The following EXOSC10 variants were observed in gnomAD, a reference collection of about 807,000 sequenced individuals.
EXOSC10 encodes exosome component 10, also known as exosome complex component 10.
In EXOSC10, 94 loss-of-function variants were observed where a neutral mutation model predicts 126.6. The observed-to-expected ratio is 0.74, with a 90% CI of 0.63 to 0.88. The LOEUF (loss-of-function observed/expected upper bound fraction) is 0.88. Ranked by LOEUF, EXOSC10 falls within the 40% of genes least tolerant of loss-of-function variation. The pLI, the probability that EXOSC10 is intolerant of heterozygous loss-of-function variation, is 0.00. For synonymous variants in EXOSC10, 395 were observed against 400.8 expected, an observed-to-expected ratio of 0.99 and a Z score of 0.17; for missense variants, 1,041 against 1,100.5, an observed-to-expected ratio of 0.95 and a Z score of 0.77.
At chr1:11,089,232 A>G (rs1372359017) in intron 6 of EXOSC10, among the ~76,000 whole-genome samples, 2 of 151,424 alleles carry the variant, frequency 1.3e-5, no homozygotes, top group African/African-American at 4.9e-5. Context: ...TAAAAAAAAA[A>G]AAAAAAAAAA....
Position 11,091,612 on chromosome 1 carries a change from G to A in EXOSC10, c.373-15C>T, listed in dbSNP as rs1418255631. ...AGTAAAATACCCTAAGAGTAGAAGA[G>A]GTACTGGTTAAGCATTTTTCCTTTT... On this transcript the variant is annotated splice_polypyrimidine_tract_variant and intron_variant, in intron 3 of 24. Coordinates refer to ENST00000376936, the MANE Select transcript of EXOSC10 (RefSeq NM_001001998.3). The A allele has an allele frequency of 2.5e-6, 4 of 1,594,676 alleles. No homozygotes were observed. The highest frequency in any genetic ancestry group is 3.4e-6 in the Non-Finnish European group (4 of 1,163,720).
intron 17 of EXOSC10, among the ~76,000 whole-genome samples, chr1:11,075,266 G>A (rs867878253): frequency 3.9e-5 from 6 of 152,044 alleles, no homozygotes; most frequent in Admixed American, 1.3e-4. Context: ...TGATATGCCC[G>A]CCTTGCCCTC....
At chr1:11,068,934 G>A (rs1209321416) in intron 22 of EXOSC10, 2 of 574,664 alleles carry the variant, frequency 3.5e-6, no homozygotes, top group Non-Finnish European at 6.2e-6. Context: ...TCTAGTCCCA[G>A]GACCTTAGGG....
At position 11,069,596 on chromosome 1, in the gene EXOSC10, A is replaced by C. The variant is rs772132007; in HGVS notation, c.2451T>G (p.Pro817=). The part of the protein sequence containing the change: ...DPEPPEKEFT[P]YDYSQSDFKA... ...TGAAGTCTGACTGGCTGTAGTCGTA[A>C]GGCGTAAACTCTTTTTCTGGTGGCT... The change falls in exon 22 of 25, where the codon CCT becomes CCG. Residue 817 remains proline (P), a synonymous_variant. Coordinates refer to ENST00000376936, the MANE Select transcript of EXOSC10 (RefSeq NM_001001998.3). 2 of 1,613,898 alleles carry C rather than the reference A, an allele frequency of 1.2e-6. No individual in the cohort carries two copies. Among genetic ancestry groups the C allele is most frequent in the Admixed American group, 1.7e-5 (1 of 59,932 alleles).
intron 2 of EXOSC10, 61 bp downstream of exon 2, chr1:11,097,959 T>C: frequency 1.4e-6 from 2 of 1,403,280 alleles, no homozygotes; most frequent in South Asian, 1.7e-5. Context: ...AGGAAAAATT[T>C]ATCTACTTCT....
At position 11,099,840 on chromosome 1, in the gene EXOSC10, C is replaced by T; in HGVS notation, c.-9G>A. 5.0e-6 allele frequency: 8 copies of T among 1,595,872 alleles called. No individual in the cohort carries two copies. The highest frequency in any genetic ancestry group is 6.8e-6 in the Non-Finnish European group (8 of 1,170,752). ...GTACTGGGTGGCGCCATTTTTTCAG[C>T]CTGCACGGCTCGTCTCGCGAGAGCT... On this transcript the variant is annotated 5_prime_UTR_variant, in exon 1 of 25. Transcript: ENST00000376936.
Position 11,080,561 on chromosome 1 carries a change from A to ACACACACACAC in EXOSC10, c.1587-13_1587-12insGTGTGTGTGTG, listed in dbSNP as rs1557704190. ...TTGGCAGTACATATCTGGAAAAAAA[A>ACACACACACAC]AAACACACACACACACACACACACA... is the stretch of plus-strand genomic sequence containing the variant. On this transcript the variant is annotated splice_polypyrimidine_tract_variant and intron_variant, in intron 12 of 24. Coordinates refer to ENST00000376936, the MANE Select transcript of EXOSC10 (RefSeq NM_001001998.3). The ACACACACACAC allele has an allele frequency of 7.3e-6, 11 of 1,504,926 alleles. No individual in the cohort carries two copies. In the African/African-American group the frequency reaches 1.3e-4, roughly 18 times the overall value. The allele number at this position is 1,504,926 out of a possible 1,614,324, so 93.2% of individuals were successfully genotyped here.
At chr1:11,090,511 G>GT (rs765615916) in intron 6 of EXOSC10, 43 bp downstream of exon 6, 1 of 1,495,186 alleles carries the variant, frequency 6.7e-7, no homozygotes, top group South Asian at 1.1e-5. Context: ...TGGCAAAAAG[G>GT]TAAGTACTCA....
chr1:11,080,113 G>A (rs189674996), intron 13 of EXOSC10, among the ~76,000 whole-genome samples: 44 of 152,296 alleles, frequency 2.9e-4, no homozygotes, highest in Non-Finnish European at 2.1e-4. Flanking sequence ...GGCAACCAAC[G>A]GGCTGTGGAT....
chr1:11,074,258 C>T lies in EXOSC10; in HGVS notation c.2055G>A (p.Met685Ile). 6.2e-7 allele frequency: 1 copy of T among 1,614,086 alleles called. No homozygotes were observed. The highest frequency in any genetic ancestry group is 8.5e-7 in the Non-Finnish European group (1 of 1,179,966). The change falls in exon 18 of 25, where the codon ATG becomes ATA. Residue 685 changes from methionine to isoleucine, a missense_variant. Met to Ile is a conservative substitution (Grantham distance 10, BLOSUM62 1). This residue lies in a region of EXOSC10 where 388 missense variants were observed against 415.2 expected (regional missense o/e 0.93). Coordinates refer to ENST00000376936, the MANE Select transcript of EXOSC10 (RefSeq NM_001001998.3). ...TCCTAAATGGATTTTCAAAGGACTC[C>T]ATGATGTTCTGGGCTTTTTTCTGTG... is the stretch of plus-strand genomic sequence containing the variant. ...TVAQKKAQNI[M>I]ESFENPFRMF...
rs1167074671 is a variant in EXOSC10, at chr1:11,072,126, A to G, written c.2203T>C (p.Ser735Pro). The change falls in exon 20 of 25, where the codon TCT becomes CCT. Residue 735 changes from serine to proline, a missense_variant. Physicochemically the swap from Ser to Pro is moderately conservative, Grantham distance 74. This residue lies in a region of EXOSC10 where 388 missense variants were observed against 415.2 expected (regional missense o/e 0.93). Coordinates refer to ENST00000376936, the MANE Select transcript of EXOSC10 (RefSeq NM_001001998.3). ...KLAQVQVQKD[S>P]KEAVKKKAAE... ...GCCTTCTTCTTGACAGCTTCTTTAG[A>G]GTCTTTTTGTACTTGTACCTGGGCC... is the stretch of plus-strand genomic sequence containing the variant. The G allele has an allele frequency of 1.9e-6, 3 of 1,613,990 alleles. No homozygotes were observed. The South Asian group carries it at 3.3e-5, about 18-fold the overall frequency.
At chr1:11,070,164 G>T (rs1162860859) in intron 21 of EXOSC10, among the ~76,000 whole-genome samples, 1 of 151,002 alleles carries the variant, frequency 6.6e-6, no homozygotes, top group East Asian at 1.9e-4. Flanking sequence ...TTGAACCCAG[G>T]AGTACAAGGC....
intron 22 of EXOSC10, 38 bp downstream of exon 22, chr1:11,069,521 C>T: frequency 6.3e-7 from 1 of 1,599,920 alleles, no homozygotes; most frequent in South Asian, 1.1e-5. Context: ...CTCTGACGCG[C>T]ACAGATGTCC....
intron 1 of EXOSC10, 183 bp downstream of exon 1, chr1:11,099,538 G>A: frequency 1.8e-6 from 1 of 567,970 alleles, no homozygotes; most frequent in Non-Finnish European, 2.9e-6. Context: ...ACGCCCCTCA[G>A]TGTCCGTTTC....
chr1:11,099,775 T>C lies in EXOSC10; in HGVS notation c.57A>G (p.Lys19=), dbSNP rs1262923255. The change falls in exon 1 of 25, where the codon AAA becomes AAG. Residue 19 remains lysine, a synonymous_variant. Coordinates refer to ENST00000376936, the MANE Select transcript of EXOSC10 (RefSeq NM_001001998.3). ...CTGGCAGCACCATCTCTCCGTCGGATTTGGTTGCGCTGGTCGCCGACAGGA... is the reference window on the plus strand; with the variant it reads ...CTGGCAGCACCATCTCTCCGTCGGACTTGGTTGCGCTGGTCGCCGACAGGA... The part of the protein sequence containing the change: ...PRVLSATSAT[K]SDGEMVLPGF... 1 of 1,611,722 alleles carries C rather than the reference T, an allele frequency of 6.2e-7. No homozygotes were observed. Among genetic ancestry groups the C allele is most frequent in the Middle Eastern group, 1.7e-4 (1 of 6,052 alleles).
Position 11,099,804 on chromosome 1 carries a change from T to C in EXOSC10, c.28A>G (p.Arg10Gly), listed in dbSNP as rs1230689728. 1.2e-5 allele frequency: 19 copies of C among 1,611,398 alleles called. No homozygotes were observed. Among genetic ancestry groups the C allele is most frequent in the Non-Finnish European group, 1.4e-5 (17 of 1,178,836 alleles). Residue 10 changes from arginine to glycine, a missense_variant, in exon 1 of 25, where the codon AGG becomes GGG. This residue lies in a region of EXOSC10 where 645 missense variants were observed against 656.3 expected (regional missense o/e 0.98). Transcript: ENST00000376936. MAPPSTREP[R>G]VLSATSATKS... ...GTTGCGCTGGTCGCCGACAGGACCC[T>C]GGGCTCCCGGGTACTGGGTGGCGCC...
intron 3 of EXOSC10, among the ~76,000 whole-genome samples, chr1:11,094,932 C>T (rs1375359368): frequency 1.3e-5 from 2 of 152,174 alleles, no homozygotes; most frequent in East Asian, 3.9e-4. Context: ...GGCTTTCAGG[C>T]TCAGTGAGGT....
intron 19 of EXOSC10, among the ~76,000 whole-genome samples, chr1:11,073,581 C>T (rs1397639251): frequency 6.6e-6 from 1 of 152,044 alleles, no homozygotes; most frequent in Non-Finnish European, 1.5e-5. Context: ...ATTAAGAAAT[C>T]CCCTTTTCTT....
At chr1:11,098,928 C>T (rs557490199) in intron 1 of EXOSC10, among the ~76,000 whole-genome samples, 20 of 152,252 alleles carry the variant, frequency 1.3e-4, no homozygotes, top group African/African-American at 4.3e-4. Context: ...GAAATTAAGT[C>T]ACGGAGGGGA....
Sources: allele counts gnomAD v4.1 joint callset (sites outside exome capture counted in the v4.1 genomes callset), GRCh38; gene constraint gnomAD v4.1.1; regional missense constraint gnomAD v4.1.1; transcripts MANE v1.5; gene names NCBI Gene and HGNC (gene_info 2026-07-23, HGNC 2026-07-21).